Variants in ZNF326 observed in about 807,000 individuals in gnomAD.
The protein encoded by ZNF326 is DBIRD complex subunit ZNF326.
A neutral mutation model predicts 63.1 loss-of-function variants in ZNF326; 30 were observed. That is an observed-to-expected ratio of 0.48 (90% CI 0.36 to 0.64). ZNF326 has a LOEUF of 0.64. Among genes scored for constraint, ZNF326 ranks in the 30% least tolerant of loss-of-function variants. The pLI, the probability that ZNF326 is intolerant of heterozygous loss-of-function variation, is 0.00. For missense variants in ZNF326, 609 were observed against 720.3 expected, an observed-to-expected ratio of 0.85 and a Z score of 1.77; for synonymous variants, 194 against 228.2, an observed-to-expected ratio of 0.85 and a Z score of 1.35.
intron 4 of ZNF326, chr1:90,006,321 T>C: frequency 1.0e-6 from 1 of 977,372 alleles, no homozygotes; most frequent in Non-Finnish European, 1.2e-6. Flanking sequence ...ACTTAATGTT[T>C]TAATATGTCA....
chr1:90,006,449 A>T, intron 4 of ZNF326: 1 of 985,400 alleles, frequency 1.0e-6, no homozygotes, highest in Non-Finnish European at 1.2e-6. Context: ...ATATCAAGCA[A>T]CTTTTGTAAT....
intron 2 of ZNF326, among the ~76,000 whole-genome samples, chr1:90,000,058 G>A (rs1648595895): frequency 6.6e-6 from 1 of 152,122 alleles, no homozygotes; most frequent in African/African-American, 2.4e-5. Context: ...GGATAAATGT[G>A]TGTGTGTGCT....
At chr1:90,000,438 C>G (rs1047427179) in intron 2 of ZNF326, among the ~76,000 whole-genome samples, 2 of 152,114 alleles carry the variant, frequency 1.3e-5, no homozygotes, top group African/African-American at 4.8e-5. Context: ...GTAGCTCATG[C>G]CTATAATCCT....
chr1:90,019,897 A>G (rs1052592916), intron 9 of ZNF326, among the ~76,000 whole-genome samples: 1 of 152,116 alleles, frequency 6.6e-6, no homozygotes, highest in Non-Finnish European at 1.5e-5. Context: ...TATCTTGAGA[A>G]GGGCCTGCAC....
At chr1:90,015,157 T>G (rs544741083) in intron 7 of ZNF326, among the ~76,000 whole-genome samples, 1 of 152,232 alleles carries the variant, frequency 6.6e-6, no homozygotes, top group African/African-American at 2.4e-5. Flanking sequence ...GCAGTTTTAC[T>G]TTGAGTTATG....
chr1:90,016,042 A>G (rs1307694853), intron 7 of ZNF326, among the ~76,000 whole-genome samples: 1 of 152,112 alleles, frequency 6.6e-6, no homozygotes, highest in African/African-American at 2.4e-5. Flanking sequence ...GAGCTTATGG[A>G]GCTAATGAAG....
chr1:90,011,677 T>A (rs1649240632), intron 6 of ZNF326, among the ~76,000 whole-genome samples: 1 of 151,994 alleles, frequency 6.6e-6, no homozygotes, highest in Admixed American at 6.5e-5. Context: ...CCCTCACACA[T>A]TACTGATGGG....
At chr1:90,017,093 G>A (rs192346859) in intron 7 of ZNF326, among the ~76,000 whole-genome samples, 23 of 152,258 alleles carry the variant, frequency 1.5e-4, no homozygotes, top group Admixed American at 3.9e-4. Flanking sequence ...TTTCCTACCC[G>A]GAAGCTCCAA....
intron 1 of ZNF326, among the ~76,000 whole-genome samples, chr1:89,997,375 G>A (rs1648430604): frequency 6.6e-6 from 1 of 152,032 alleles, no homozygotes; most frequent in Non-Finnish European, 1.5e-5. Context: ...ATAAGATCTT[G>A]AAATCTTTTT....
In ZNF326 at chr1:89,999,359, G is replaced by C. The variant is rs1188110220; in HGVS notation, c.61+1205G>C. Among the ~76,000 whole-genome samples the C allele has an allele frequency of 2.6e-5, 4 of 151,680 alleles. No individual in the cohort carries two copies. The South Asian group carries it at 6.2e-4, about 24-fold the overall frequency. Reference sequence around the variant, plus strand: ...GGGAGAGGGGGAGGGGAAGAGGGAGGGGGAGAGGGAGAGAGTTTGTAATGA... The same window carrying C: ...GGGAGAGGGGGAGGGGAAGAGGGAGCGGGAGAGGGAGAGAGTTTGTAATGA... On this transcript the variant is annotated intron_variant, in intron 2 of 11. Coordinates refer to ENST00000340281, the MANE Select transcript of ZNF326 (RefSeq NM_182976.4).
At chr1:89,997,850 A>G (rs945431641) in intron 1 of ZNF326, among the ~76,000 whole-genome samples, 1 of 152,152 alleles carries the variant, frequency 6.6e-6, no homozygotes, top group East Asian at 1.9e-4. Context: ...TTTGGCTGTT[A>G]TTATGTATCA....
intron 6 of ZNF326, 22 bp from the exon 7 acceptor site, chr1:90,013,104 A>G: frequency 6.3e-7 from 1 of 1,584,806 alleles, no homozygotes; most frequent in Non-Finnish European, 8.6e-7. Flanking sequence ...TTTAGCTTTT[A>G]CTTTTTTGTG....
rs765197152 is a variant in ZNF326, at chr1:89,995,285, C to G, written c.16+12C>G. 6.5e-7 allele frequency: 1 copy of G among 1,550,306 alleles called. No homozygotes were observed. ...GGACTTCGAGGACGGTAAGCGCTGC[C>G]TCTGGCTGGTCGGCGCAGCTGGCAG... On this transcript the variant is annotated intron_variant, in intron 1 of 11. Transcript: ENST00000340281.
Position 90,020,859 on chromosome 1 carries a change from C to A in ZNF326, c.1242C>A (p.Ile414=). Residue 414 remains isoleucine, a synonymous_variant, in exon 10 of 12, where the codon ATC becomes ATA. Coordinates refer to ENST00000340281, the MANE Select transcript of ZNF326 (RefSeq NM_182976.4). The part of the protein sequence containing the change: ...TVHCSACSVY[I]PALHSSVQQH... ...ATTGCAGCGCTTGCAGTGTTTATAT[C>A]CCTGCTTTACATAGTTCAGTTCAGC... 1.9e-6 allele frequency: 3 copies of A among 1,613,156 alleles called. No individual in the cohort carries two copies.
rs1650179782 is a variant in ZNF326, at chr1:90,029,727, G to C, written c.*2026G>C. On this transcript the variant is annotated 3_prime_UTR_variant, in exon 12 of 12. Transcript: ENST00000340281. The stretch of plus-strand genomic sequence containing the variant: ...CAACTGGGTAAATGTTTTAGAATGA[G>C]AGATAGGAAAGAACATCTAAATAGT... The C allele has an allele frequency of 6.6e-6, 1 of 152,182 alleles. No individual in the cohort carries two copies. Among genetic ancestry groups the C allele is most frequent in the Non-Finnish European group, 1.5e-5 (1 of 68,022 alleles). 9.4% of individuals were successfully genotyped at this position (152,182 alleles called of 1,614,324 possible).
At chr1:89,998,276 T>C (rs1648500959) in intron 2 of ZNF326, 122 bp downstream of exon 2, 1 of 836,112 alleles carries the variant, frequency 1.2e-6, no homozygotes. Context: ...TGTGTTAATA[T>C]TGTCTTACTA....
At chr1:90,005,985 T>A in intron 4 of ZNF326, 1 of 985,444 alleles carries the variant, frequency 1.0e-6, no homozygotes, top group Non-Finnish European at 1.2e-6. Context: ...AGAAGGGGTG[T>A]CTACTTTTTG....
Position 90,017,416 on chromosome 1 carries a change from T to G in ZNF326, c.1026T>G (p.His342Gln). ...ESSSHQETLD[H>Q]IQKQTKFDKV... Reference sequence around the variant, plus strand: ...CTTCACATCAGGAAACATTAGATCATATACAGAAACAAACTAAATTTGATA... The same window carrying G: ...CTTCACATCAGGAAACATTAGATCAGATACAGAAACAAACTAAATTTGATA... Residue 342 changes from histidine to glutamine, a missense_variant, in exon 8 of 12, where the codon CAT (histidine) becomes CAG (glutamine). Physicochemically the swap from His to Gln is conservative, Grantham distance 24 (BLOSUM62 0). This residue lies in a region of ZNF326 where 399 missense variants were observed against 444.3 expected (regional missense o/e 0.90). Transcript: ENST00000340281. 1 of 1,600,952 alleles carries G rather than the reference T, an allele frequency of 6.2e-7. No homozygotes were observed. Among genetic ancestry groups the G allele is most frequent in the East Asian group, 2.3e-5 (1 of 44,216 alleles).
At position 90,008,886 on chromosome 1, in the gene ZNF326, GA is replaced by G. The variant is rs540876708; in HGVS notation, c.615+1139del. 3.0e-3 allele frequency among the ~76,000 whole-genome samples: 453 copies of G among 152,146 alleles called. 4 individuals are homozygous for G. The highest frequency in any genetic ancestry group is 0.01 in the African/African-American group (432 of 41,526). Reference sequence around the variant, plus strand: ...CTGTTGTGACTTTTTAAATTACCTGGAAACACAACTAGGTTAGATAGGCATT... The same window carrying G: ...CTGTTGTGACTTTTTAAATTACCTGGAACACAACTAGGTTAGATAGGCATT... On this transcript the variant is annotated intron_variant, in intron 5 of 11. Coordinates refer to ENST00000340281, the MANE Select transcript of ZNF326 (RefSeq NM_182976.4).
Sources: allele counts gnomAD v4.1 joint callset (sites outside exome capture counted in the v4.1 genomes callset), GRCh38; gene constraint gnomAD v4.1.1; regional missense constraint gnomAD v4.1.1; transcripts MANE v1.5; gene names NCBI Gene and HGNC (gene_info 2026-07-23, HGNC 2026-07-21).